PRMT8: variants seen among roughly 807,000 people sequenced by gnomAD.
PRMT8 encodes protein arginine methyltransferase 8, also known as protein arginine N-methyltransferase 8.
A neutral mutation model predicts 47.1 loss-of-function variants in PRMT8; 7 were observed. That is an observed-to-expected ratio of 0.15 (90% confidence interval 0.08 to 0.28). The LOEUF (loss-of-function observed/expected upper bound fraction) is 0.28. PRMT8 is among the 10% of genes least tolerant of loss of function. The pLI is 1.00. For missense variants in PRMT8, 237 were observed against 505.4 expected (o/e 0.47, Z 5.09); for synonymous variants, 188 against 186.5 (o/e 1.01, Z -0.07).
chr12:3,513,575 T>C (rs960243851), intron 1 of PRMT8, among the ~76,000 whole-genome samples: 1 of 152,184 alleles, frequency 6.6e-6, no homozygotes, highest in African/African-American at 2.4e-5. Flanking sequence ...ACTTCTACTC[T>C]TCCAATTGCA....
At chr12:3,451,290 A>G (rs965569082) in intron 1 of PRMT8, among the ~76,000 whole-genome samples, 5 of 152,154 alleles carry the variant, frequency 3.3e-5, no homozygotes, top group African/African-American at 7.2e-5. Flanking sequence ...ACAGATGAGC[A>G]TATTTAGCCC....
upstream of PRMT8, among the ~76,000 whole-genome samples, chr12:3,488,026 A>G (rs1033832168): frequency 1.3e-5 from 2 of 152,142 alleles, no homozygotes; most frequent in African/African-American, 4.8e-5. Flanking sequence ...TGCTCCCTGA[A>G]CCTGGTCAAC....
At chr12:3,553,497 G>C (rs1482573913) in intron 3 of PRMT8, 154 bp from the exon 4 acceptor site, 2 of 671,472 alleles carry the variant, frequency 3.0e-6, no homozygotes, top group Non-Finnish European at 5.2e-6. Flanking sequence ...TGGGGGGGCT[G>C]GGTTTCGGTT....
At position 3,568,794 on chromosome 12, in the gene PRMT8, T is replaced by C. The variant is rs372932411; in HGVS notation, c.570T>C (p.Cys190=). Residue 190 remains cysteine (C), a synonymous_variant, in exon 5 of 10, where the codon TGT becomes TGC. Transcript: ENST00000382622. ...TCATCAGCGAGTGGATGGGCTACTG[T>C]CTGTTCTATGAGTCCATGCTCAACA... ...DIIISEWMGY[C]LFYESMLNTV... is the part of the protein sequence containing the mutation. 157 of 1,614,162 alleles carry C rather than the reference T, an allele frequency of 9.7e-5. 5 individuals carry two copies. In the South Asian group the frequency reaches 1.4e-3, roughly 14 times the overall value.
chr12:3,441,239 C>CT (rs57505916), intron 1 of PRMT8, among the ~76,000 whole-genome samples: 13,111 of 151,972 alleles, frequency 0.086, 799 homozygotes, highest in South Asian at 0.21. Flanking sequence ...GTATTAAGAA[C>CT]TTTTTTTTAC....
chr12:3,508,461 G>A lies in PRMT8; in HGVS notation c.75+16761G>A, dbSNP rs1056680415. Among the ~76,000 whole-genome samples, 3 of 152,232 alleles carry A rather than the reference G, an allele frequency of 2.0e-5. No individual in the cohort carries two copies. Among genetic ancestry groups the A allele is most frequent in the African/African-American group, 7.2e-5 (3 of 41,458 alleles). On this transcript the variant is annotated intron_variant, in intron 1 of 9. Coordinates refer to ENST00000382622, the MANE Select transcript of PRMT8 (RefSeq NM_019854.5). This position sits in a 1 kb window ranked among gnomAD's most constrained non-coding sequence, Gnocchi z 4.9. ...ACACAGGGTCTGACATCTGAACGCG[G>A]GAGAGTGTGTTTCCTGTGAGAAACA...
intron 2 of PRMT8, among the ~76,000 whole-genome samples, chr12:3,542,629 C>G (rs1479372462): frequency 6.6e-6 from 1 of 152,184 alleles, no homozygotes; most frequent in Non-Finnish European, 1.5e-5. Context: ...TGGGCCTGCC[C>G]AGAACTCCCC....
At chr12:3,541,954 T>C (rs1866238652) in intron 2 of PRMT8, among the ~76,000 whole-genome samples, 1 of 152,164 alleles carries the variant, frequency 6.6e-6, no homozygotes, top group Non-Finnish European at 1.5e-5. Flanking sequence ...TGTGCGTGTG[T>C]GAAAGGCCAC....
chr12:3,425,559 A>T (rs1232256472), intron 1 of PRMT8, among the ~76,000 whole-genome samples: 2 of 152,224 alleles, frequency 1.3e-5, no homozygotes, highest in Non-Finnish European at 2.9e-5. Flanking sequence ...TGAAAAGCTC[A>T]TTGCTGTTGG....
chr12:3,593,579 A>T lies in PRMT8; in HGVS notation c.*397A>T, dbSNP rs1170979755. ...AGAACCTGGAGACATAGCATCTTTGATAGCATAAGCCAGATTATCTGTGTG... is the reference window on the plus strand; with the variant it reads ...AGAACCTGGAGACATAGCATCTTTGTTAGCATAAGCCAGATTATCTGTGTG... On this transcript the variant is annotated 3_prime_UTR_variant, in exon 10 of 10. Transcript: ENST00000382622. This position sits in a 1 kb window ranked among gnomAD's most constrained non-coding sequence, Gnocchi z 4.8. The T allele has an allele frequency of 1.2e-5, 3 of 247,936 alleles. No homozygotes were observed. Among genetic ancestry groups the T allele is most frequent in the Non-Finnish European group, 2.3e-5 (3 of 128,128 alleles). The allele number at this position is 247,936 out of a possible 1,614,324, so 15.4% of individuals were successfully genotyped here.
At chr12:3,443,357 C>T (rs1257039367) in intron 1 of PRMT8, among the ~76,000 whole-genome samples, 1 of 152,216 alleles carries the variant, frequency 6.6e-6, no homozygotes, top group East Asian at 1.9e-4. Context: ...CCCAAACCGG[C>T]TTTGTCTCTC....
chr12:3,497,842 GA>G (rs1484176003), intron 1 of PRMT8, among the ~76,000 whole-genome samples: 1 of 152,190 alleles, frequency 6.6e-6, no homozygotes, highest in Non-Finnish European at 1.5e-5. Context: ...TAAAGTCATA[GA>G]ATGTTAAAGT....
intron 1 of PRMT8, among the ~76,000 whole-genome samples, chr12:3,504,960 A>C (rs1305442062): frequency 1.0e-5 from 1 of 99,384 alleles, no homozygotes; most frequent in Non-Finnish European, 2.0e-5. Flanking sequence ...GAGTGACCCG[A>C]TTTTCCAGGT....
At chr12:3,439,611 C>G (rs1377347620) in intron 1 of PRMT8, among the ~76,000 whole-genome samples, 1 of 152,184 alleles carries the variant, frequency 6.6e-6, no homozygotes, top group South Asian at 2.1e-4. Flanking sequence ...ACAGTGTTCA[C>G]TATACAATGT....
chr12:3,386,712 T>C (rs1565395589), intron 1 of PRMT8, among the ~76,000 whole-genome samples: 1 of 151,966 alleles, frequency 6.6e-6, no homozygotes. Context: ...TTCTTTTTTT[T>C]TTCTTTCTTT....
intron 1 of PRMT8, among the ~76,000 whole-genome samples, chr12:3,522,805 CAAA>C (rs200023215): frequency 6.8e-6 from 1 of 146,982 alleles, no homozygotes; most frequent in South Asian, 2.2e-4. Context: ...AACAAACAAA[CAAA>C]AAAAAACAGA....
intron 2 of PRMT8, among the ~76,000 whole-genome samples, chr12:3,544,621 T>C (rs1273904700): frequency 6.6e-6 from 1 of 151,960 alleles, no homozygotes; most frequent in Non-Finnish European, 1.5e-5. Flanking sequence ...GCGGGAGGGG[T>C]CTGGGCAGTG....
intron 8 of PRMT8, among the ~76,000 whole-genome samples, chr12:3,588,792 A>T (rs1316962707): frequency 1.3e-5 from 2 of 152,196 alleles, no homozygotes; most frequent in South Asian, 2.1e-4. Flanking sequence ...GAAAAGGGGT[A>T]TGTGGGGCCA....
chr12:3,464,247 G>C (rs1865068486), intron 1 of PRMT8, among the ~76,000 whole-genome samples: 1 of 149,380 alleles, frequency 6.7e-6, no homozygotes, highest in Non-Finnish European at 1.5e-5. Context: ...AGGTGCTTTT[G>C]TTTCCCCAGT....
Sources: allele counts gnomAD v4.1 joint callset (sites outside exome capture counted in the v4.1 genomes callset), GRCh38; gene constraint gnomAD v4.1.1; non-coding constraint Gnocchi (gnomAD v3.1); transcripts MANE v1.5; gene names NCBI Gene and HGNC (gene_info 2026-07-23, HGNC 2026-07-21).